COL14A1: variants seen among roughly 807,000 people sequenced by gnomAD.
The protein encoded by COL14A1 is collagen type XIV alpha 1 chain.
Under a neutral mutation model 230.3 loss-of-function variants are expected in COL14A1, and 136 were observed. The ratio of observed to expected loss-of-function variants is 0.59; its 90% confidence interval spans 0.51 to 0.68. The LOEUF (loss-of-function observed/expected upper bound fraction) is 0.68, where lower values mean the gene tolerates loss of function less well. COL14A1 is among the 30% of genes least tolerant of loss of function. The pLI, the probability that COL14A1 is intolerant of heterozygous loss-of-function variation, is 0.00. For missense variants in COL14A1, 1,976 were observed against 2,215.8 expected, an observed-to-expected ratio of 0.89 and a Z score of 2.17; for synonymous variants, 792 against 784.1, an observed-to-expected ratio of 1.01 and a Z score of -0.17.
intron 45 of COL14A1, 30 bp from the exon 46 acceptor site, chr8:120,367,141 T>A (rs1437940083): frequency 6.6e-7 from 1 of 1,524,002 alleles, no homozygotes; most frequent in Non-Finnish European, 8.8e-7. Flanking sequence ...AAAAAGAACT[T>A]TAAACATTTT....
chr8:120,146,332 T>C (rs1267614175), intron 1 of COL14A1, among the ~76,000 whole-genome samples: 1 of 152,206 alleles, frequency 6.6e-6, no homozygotes, highest in Admixed American at 6.5e-5. Flanking sequence ...AAAAATATGT[T>C]TTAGTTAATC....
intron 45 of COL14A1, among the ~76,000 whole-genome samples, chr8:120,348,260 A>T (rs530616626): frequency 2.0e-5 from 3 of 148,376 alleles, no homozygotes; most frequent in Non-Finnish European, 4.5e-5. Flanking sequence ...TATATGAAGC[A>T]TATATAAAGC....
intron 9 of COL14A1, 46 bp downstream of exon 9, chr8:120,203,916 G>A (rs1817342954): frequency 1.3e-6 from 2 of 1,554,958 alleles, no homozygotes; most frequent in Non-Finnish European, 8.8e-7. Flanking sequence ...GTATTATGGT[G>A]CACAAGCCTA....
chr8:120,312,219 A>C (rs1280494903), intron 37 of COL14A1, among the ~76,000 whole-genome samples: 1 of 152,102 alleles, frequency 6.6e-6, no homozygotes, highest in Non-Finnish European at 1.5e-5. Context: ...TATTTTTAAA[A>C]ATCCAGCTCC....
upstream of COL14A1, among the ~76,000 whole-genome samples, chr8:120,124,849 A>G (rs1445810805): frequency 2.0e-5 from 3 of 152,116 alleles, no homozygotes; most frequent in Non-Finnish European, 4.4e-5. Flanking sequence ...GTGGAAGGGA[A>G]AGAGCCTGGC....
chr8:120,167,572 C>A (rs1815948824), intron 4 of COL14A1, among the ~76,000 whole-genome samples: 2 of 152,192 alleles, frequency 1.3e-5, no homozygotes, highest in African/African-American at 4.8e-5. Context: ...GGCCAAGGGG[C>A]ATTTTTTGGT....
chr8:120,360,261 C>A (rs1445530403), intron 45 of COL14A1, among the ~76,000 whole-genome samples: 5 of 152,154 alleles, frequency 3.3e-5, no homozygotes, highest in Non-Finnish European at 7.3e-5. Flanking sequence ...TTTTGTGGAA[C>A]CTGAAGCTTA....
chr8:120,290,553 C>T (rs1477244292), intron 34 of COL14A1, among the ~76,000 whole-genome samples: 2 of 152,138 alleles, frequency 1.3e-5, no homozygotes, highest in Non-Finnish European at 2.9e-5. Context: ...TGTAATAGAA[C>T]AATCAAGATA....
At position 120,189,982 on chromosome 8, in the gene COL14A1, T is replaced by G. The variant is rs370664142; in HGVS notation, c.437-6809T>G. ...GTCTTTATAGCAGCATGATTTATAG[T>G]CCTTTGGGTATATACCCAGTAATGG... On this transcript the variant is annotated intron_variant, in intron 5 of 47. Coordinates refer to ENST00000297848, the MANE Select transcript of COL14A1 (RefSeq NM_021110.4). 6.2e-4 allele frequency among the ~76,000 whole-genome samples: 94 copies of G among 151,200 alleles called. No homozygotes were observed. The East Asian group carries it at 0.01, about 17-fold the overall frequency.
intron 37 of COL14A1, among the ~76,000 whole-genome samples, chr8:120,310,525 A>C (rs1174047838): frequency 1.3e-5 from 2 of 152,158 alleles, no homozygotes; most frequent in Non-Finnish European, 2.9e-5. Flanking sequence ...AGGGTCATCA[A>C]ATGTGGTGGT....
chr8:120,200,759 ATATATATT>A (rs1380246566), intron 8 of COL14A1, among the ~76,000 whole-genome samples: 20 of 80,488 alleles, frequency 2.5e-4, no homozygotes, highest in South Asian at 2.0e-3. Flanking sequence ...ATATATATAT[ATATATATT>A]ATTTTTCATC....
At chr8:120,226,499 C>T in intron 15 of COL14A1, 128 bp from the exon 16 acceptor site, 1 of 872,988 alleles carries the variant, frequency 1.1e-6, no homozygotes, top group East Asian at 2.6e-5. Flanking sequence ...CCCCAGTTTT[C>T]CTTCTTTCCT....
At chr8:120,236,951 G>A (rs1399975272) in intron 19 of COL14A1, among the ~76,000 whole-genome samples, 3 of 152,180 alleles carry the variant, frequency 2.0e-5, no homozygotes, top group Admixed American at 6.5e-5. Context: ...TGGCCCCCAC[G>A]CTCTTCTGGC....
chr8:120,200,857 A>T (rs1165704495), intron 8 of COL14A1, among the ~76,000 whole-genome samples: 1 of 150,050 alleles, frequency 6.7e-6, no homozygotes, highest in East Asian at 2.0e-4. Context: ...CAGCTGCAGA[A>T]GCTGTGGAAA....
rs899575787 is a variant in COL14A1 at position 120,130,241 on chromosome 8, A to C, written c.-38+4901A>C. ...ACGAAGGAAGCAAAAGAATACATAG[A>C]CTTGCATATTGGCATAAGCTCCTTA... On this transcript the variant is annotated intron_variant, in intron 1 of 47. Coordinates refer to ENST00000297848, the MANE Select transcript of COL14A1 (RefSeq NM_021110.4). Among the ~76,000 whole-genome samples the C allele has an allele frequency of 2.6e-5, 4 of 152,338 alleles. No homozygotes were observed. In the East Asian group the frequency reaches 5.8e-4, roughly 22 times the overall value.
intron 34 of COL14A1, among the ~76,000 whole-genome samples, chr8:120,291,284 G>A (rs1164505046): frequency 2.6e-5 from 4 of 151,998 alleles, no homozygotes; most frequent in African/African-American, 7.2e-5. Flanking sequence ...AATCCGGGCC[G>A]GGAGCAGTGC....
intron 1 of COL14A1, among the ~76,000 whole-genome samples, chr8:120,142,689 T>G (rs1814952778): frequency 6.6e-6 from 1 of 152,220 alleles, no homozygotes; most frequent in Non-Finnish European, 1.5e-5. Flanking sequence ...GGAAGATATA[T>G]TTTGAACCCT....
At chr8:120,180,407 A>C (rs903335198) in intron 5 of COL14A1, among the ~76,000 whole-genome samples, 1 of 152,188 alleles carries the variant, frequency 6.6e-6, no homozygotes, top group African/African-American at 2.4e-5. Context: ...CCTTTACTGA[A>C]AAATTCTAGA....
intron 5 of COL14A1, among the ~76,000 whole-genome samples, chr8:120,194,402 C>G (rs185931861): frequency 2.0e-4 from 31 of 152,186 alleles, no homozygotes; most frequent in Admixed American, 1.8e-3. Context: ...CCAAGCCCCC[C>G]CTTACCCCCA....
Sources: allele counts gnomAD v4.1 joint callset (sites outside exome capture counted in the v4.1 genomes callset), GRCh38; gene constraint gnomAD v4.1.1; transcripts MANE v1.5; gene names NCBI Gene and HGNC (gene_info 2026-07-23, HGNC 2026-07-21).